Variants in TLCD4 observed in about 807,000 individuals in gnomAD.
TLCD4 encodes TLC domain-containing protein 4.
In TLCD4, 7 loss-of-function variants were observed where a neutral mutation model predicts 24.2. That is an observed-to-expected ratio of 0.29 (90% CI 0.16 to 0.54). The LOEUF is 0.54. Ranked by LOEUF, TLCD4 falls within the 20% of genes least tolerant of loss-of-function variation. The probability of loss-of-function intolerance (pLI) is 0.95; values close to 1 mark genes in which losing one functional copy is unlikely to be tolerated. For synonymous variants in TLCD4, 103 were observed against 106.4 expected (o/e 0.97, Z 0.20); for missense variants, 259 against 313.9 (o/e 0.82, Z 1.32).
intron 6 of TLCD4, among the ~76,000 whole-genome samples, chr1:95,179,240 C>T (rs370561022): frequency 7.9e-4 from 120 of 152,350 alleles, no homozygotes; most frequent in Admixed American, 1.8e-3. Flanking sequence ...TGGCCATACA[C>T]GGAACCTACA....
intron 6 of TLCD4, among the ~76,000 whole-genome samples, chr1:95,188,505 T>C (rs1678911926): frequency 6.6e-6 from 1 of 152,188 alleles, no homozygotes; most frequent in Admixed American, 6.5e-5. Context: ...GTGTGATTTC[T>C]ACATAAATTA....
chr1:95,116,654 G>A (rs1348986147), upstream of TLCD4, among the ~76,000 whole-genome samples: 2 of 152,178 alleles, frequency 1.3e-5, no homozygotes, highest in Non-Finnish European at 2.9e-5. Flanking sequence ...TTTTGGGGCT[G>A]TATATAACAG....
chr1:95,154,135 T>C (rs1677566854), intron 5 of TLCD4, among the ~76,000 whole-genome samples: 1 of 152,190 alleles, frequency 6.6e-6, no homozygotes, highest in African/African-American at 2.4e-5. Flanking sequence ...ATTCTGAGAT[T>C]CTGTGATGCA....
At chr1:95,111,338 G>T in the TLCD4 span, among the ~76,000 whole-genome samples, 3 of 150,674 alleles carry the variant, frequency 2.0e-5, no homozygotes, top group South Asian at 2.1e-4. Context: ...GAAAAGAAAA[G>T]AAAAGAAATG....
At chr1:95,167,072 G>T (rs11165330) in intron 5 of TLCD4, among the ~76,000 whole-genome samples, 3 of 151,626 alleles carry the variant, frequency 2.0e-5, no homozygotes, top group African/African-American at 7.3e-5. Context: ...TTTGAGTGCC[G>T]CATACTGATG....
chr1:95,155,113 C>G (rs1030691364), intron 5 of TLCD4, among the ~76,000 whole-genome samples: 1 of 151,936 alleles, frequency 6.6e-6, no homozygotes, highest in African/African-American at 2.4e-5. Context: ...TAGTACCATA[C>G]TAGCAGTAGT....
intron 6 of TLCD4, among the ~76,000 whole-genome samples, chr1:95,180,551 A>G (rs1678598666): frequency 6.6e-6 from 1 of 152,216 alleles, no homozygotes; most frequent in African/African-American, 2.4e-5. Context: ...CACATGGCAT[A>G]CATGTGCTGG....
the TLCD4 span, among the ~76,000 whole-genome samples, chr1:95,111,085 T>C: frequency 6.6e-6 from 1 of 151,624 alleles, no homozygotes. Flanking sequence ...TGAGGCAAGG[T>C]ATTTGAGACC....
At chr1:95,134,565 C>T (rs1360186718) in intron 1 of TLCD4, among the ~76,000 whole-genome samples, 3 of 151,812 alleles carry the variant, frequency 2.0e-5, no homozygotes. Flanking sequence ...AGCAGCAGTT[C>T]CAAGGGACCT....
At chr1:95,095,884 G>C in the TLCD4 span, among the ~76,000 whole-genome samples, 2 of 152,124 alleles carry the variant, frequency 1.3e-5, no homozygotes, top group Admixed American at 6.5e-5. Flanking sequence ...ATTGCTTTAA[G>C]AGAAAAATTA....
chr1:95,130,391 A>G (rs1676859230), intron 1 of TLCD4, among the ~76,000 whole-genome samples: 1 of 152,024 alleles, frequency 6.6e-6, no homozygotes, highest in African/African-American at 2.4e-5. Flanking sequence ...TGATGTTGTG[A>G]TCCACTGGCC....
chr1:95,182,583 A>T (rs963699201), intron 6 of TLCD4, among the ~76,000 whole-genome samples: 51 of 152,306 alleles, frequency 3.3e-4, no homozygotes, highest in African/African-American at 1.0e-3. Flanking sequence ...TACTAATACC[A>T]TTTCTTTATT....
intron 6 of TLCD4, among the ~76,000 whole-genome samples, chr1:95,187,270 T>C (rs1242296775): frequency 6.6e-6 from 1 of 152,188 alleles, no homozygotes; most frequent in Non-Finnish European, 1.5e-5. Context: ...TAATATCTTA[T>C]TGTTAACTAA....
chr1:95,139,070 G>C, intron 1 of TLCD4, among the ~76,000 whole-genome samples: 1 of 150,556 alleles, frequency 6.6e-6, no homozygotes, highest in East Asian at 1.9e-4. Flanking sequence ...GGCTATGTGG[G>C]AGGCTGAGGC....
At chr1:95,100,141 A>G in the TLCD4 span, among the ~76,000 whole-genome samples, 1 of 152,128 alleles carries the variant, frequency 6.6e-6, no homozygotes, top group Non-Finnish European at 1.5e-5. Context: ...TACATATAGA[A>G]TAAAGAAATT....
At chr1:95,161,743 C>T (rs12064979) in intron 5 of TLCD4, among the ~76,000 whole-genome samples, 49,933 of 151,926 alleles carry the variant, frequency 0.33, 9,936 homozygotes, top group East Asian at 0.62. Context: ...TTATTTCTGC[C>T]TTCATTTCGT....
chr1:95,149,998 G>A (rs12085822), intron 3 of TLCD4, among the ~76,000 whole-genome samples: 11,336 of 152,128 alleles, frequency 0.075, 570 homozygotes, highest in East Asian at 0.21. Context: ...AACAGCAGTA[G>A]TTACCTTACT....
upstream of TLCD4, among the ~76,000 whole-genome samples, chr1:95,115,240 G>A (rs1488304591): frequency 6.6e-6 from 1 of 151,904 alleles, no homozygotes; most frequent in Non-Finnish European, 1.5e-5. Context: ...TCGAGTAGCT[G>A]AGATTATAGG....
the TLCD4 span, among the ~76,000 whole-genome samples, chr1:95,092,740 G>A: frequency 1.1e-4 from 17 of 152,286 alleles, no homozygotes; most frequent in African/African-American, 3.9e-4. Context: ...CACTCACCGC[G>A]AAGGTCCGCG....
Sources: allele counts gnomAD v4.1 joint callset (sites outside exome capture counted in the v4.1 genomes callset), GRCh38; gene constraint gnomAD v4.1.1; transcripts MANE v1.5; gene names NCBI Gene and HGNC (gene_info 2026-07-23, HGNC 2026-07-21).